The following PATJ variants were observed in gnomAD, a reference collection of about 807,000 sequenced individuals.
PATJ encodes the protein PATJ crumbs cell polarity complex component.
PATJ carries 190 observed loss-of-function variants against 224.9 expected under a neutral mutation model. The observed-to-expected ratio is 0.84, with a 90% CI of 0.75 to 0.95. PATJ has a LOEUF of 0.95. Among genes scored for constraint, PATJ ranks in the 40% least tolerant of loss-of-function variants. The probability of loss-of-function intolerance (pLI) is 0.00; values close to 1 mark genes in which losing one functional copy is unlikely to be tolerated. For synonymous variants in PATJ, 769 were observed against 820.3 expected (o/e 0.94, Z 1.07); for missense variants, 2,121 against 2,270.3 (o/e 0.93, Z 1.34).
At chr1:61,856,663 A>G (rs1236009342) in intron 18 of PATJ, among the ~76,000 whole-genome samples, 3 of 152,160 alleles carry the variant, frequency 2.0e-5, no homozygotes, top group East Asian at 1.9e-4. Context: ...ATCTTGGCTC[A>G]CTGCAACCTC....
At chr1:62,062,701 T>C (rs1655764884) in intron 31 of PATJ, among the ~76,000 whole-genome samples, 1 of 151,774 alleles carries the variant, frequency 6.6e-6, no homozygotes, top group Admixed American at 6.6e-5. Flanking sequence ...CTCACTTCAT[T>C]GTCCAGGTTG....
chr1:61,992,785 A>G lies in PATJ; in HGVS notation c.3867+2421A>G, dbSNP rs114476443. Among the ~76,000 whole-genome samples, 294 of 152,300 alleles carry G rather than the reference A, an allele frequency of 1.9e-3. 2 individuals are homozygous for G. The highest frequency in any genetic ancestry group is 7.0e-3 in the African/African-American group (289 of 41,576). On this transcript the variant is annotated intron_variant, in intron 28 of 43. Coordinates refer to ENST00000642238, the MANE Select transcript of PATJ (RefSeq NM_001350145.3). ...CAGGTCAAACACAAAATTCAGCACT[A>G]TGTATGTGGCAGCAAGCACTGGACT...
intron 27 of PATJ, among the ~76,000 whole-genome samples, chr1:61,951,549 G>A (rs985829167): frequency 2.0e-5 from 3 of 152,122 alleles, no homozygotes; most frequent in Admixed American, 1.3e-4. Flanking sequence ...GTGGGGGGTA[G>A]GGTAGGGTAG....
At chr1:61,929,555 C>T (rs891282859) in intron 27 of PATJ, among the ~76,000 whole-genome samples, 2 of 152,208 alleles carry the variant, frequency 1.3e-5, no homozygotes, top group Non-Finnish European at 2.9e-5. Context: ...AGTCAACATA[C>T]TAACTTTGTG....
At chr1:62,056,082 A>C (rs372466397) in intron 31 of PATJ, among the ~76,000 whole-genome samples, 1 of 152,150 alleles carries the variant, frequency 6.6e-6, no homozygotes, top group African/African-American at 2.4e-5. Context: ...CCCTCCGCCA[A>C]TTGGATGGTG....
chr1:61,742,731 G>A (rs1644819960), intron 1 of PATJ, among the ~76,000 whole-genome samples, 176 bp downstream of exon 1: 1 of 151,166 alleles, frequency 6.6e-6, no homozygotes, highest in African/African-American at 2.4e-5. Flanking sequence ...GCGCCGCCGG[G>A]CGCTCAGAGG....
chr1:61,856,356 T>C (rs1663664786), intron 18 of PATJ, 117 bp downstream of exon 18: 3 of 768,272 alleles, frequency 3.9e-6, no homozygotes, highest in Non-Finnish European at 6.4e-6. Flanking sequence ...ACTATGTGTG[T>C]GACCTTGGGC....
intron 31 of PATJ, among the ~76,000 whole-genome samples, chr1:62,065,164 G>A (rs1260908498): frequency 1.3e-5 from 2 of 152,148 alleles, no homozygotes; most frequent in Non-Finnish European, 2.9e-5. Context: ...CTTCCTTCAG[G>A]AAAGTCTCTG....
In PATJ at chr1:61,807,188, T is replaced by G. The variant is rs1023846839; in HGVS notation, c.1627-1286T>G. Among the ~76,000 whole-genome samples, 4 of 152,168 alleles carry G rather than the reference T, an allele frequency of 2.6e-5. No individual in the cohort carries two copies. In the South Asian group the frequency reaches 8.3e-4, roughly 32 times the overall value. ...AACAAAACAAAAAACAAAAAAACAT[T>G]TTTTTGAGAGACAGGGTCTTTCTCT... is the stretch of plus-strand genomic sequence containing the variant. On this transcript the variant is annotated intron_variant, in intron 13 of 43. Transcript: ENST00000642238.
At chr1:61,824,812 G>A (rs377520214) in intron 15 of PATJ, among the ~76,000 whole-genome samples, 1 of 152,090 alleles carries the variant, frequency 6.6e-6, no homozygotes, top group African/African-American at 2.4e-5. Context: ...AATGTTGGCT[G>A]GATCACAGTA....
At chr1:61,920,046 C>G (rs1256608472) in intron 26 of PATJ, among the ~76,000 whole-genome samples, 1 of 152,010 alleles carries the variant, frequency 6.6e-6, no homozygotes, top group Non-Finnish European at 1.5e-5. Context: ...TTAGCATAAC[C>G]TAATGATTGC....
chr1:62,153,368 C>T lies in PATJ; in HGVS notation c.5389C>T (p.Pro1797Ser). ...GCATTGTGTTTTCAGAACACCTCCACCTAAGATTATTACTTTGGAGAAAGG... is the reference window on the plus strand; with the variant it reads ...GCATTGTGTTTTCAGAACACCTCCATCTAAGATTATTACTTTGGAGAAAGG... ...HHPEDTETPP[P>S]KIITLEKGSE... Residue 1797 changes from proline (P) to serine (S), a missense_variant, in exon 43 of 44, where the codon CCT becomes TCT. Coordinates refer to ENST00000642238, the MANE Select transcript of PATJ (RefSeq NM_001350145.3). 1 of 1,231,620 alleles carries T rather than the reference C, an allele frequency of 8.1e-7. No homozygotes were observed. The highest frequency in any genetic ancestry group is 1.0e-6 in the Non-Finnish European group (1 of 987,550). 76.3% of individuals were successfully genotyped at this position (1,231,620 alleles called of 1,614,324 possible). A position where few individuals can be genotyped will look rare whatever the true frequency, so the allele number is the denominator to read the frequency against.
chr1:62,095,495 T>C (rs1661289907), intron 33 of PATJ, among the ~76,000 whole-genome samples: 2 of 152,342 alleles, frequency 1.3e-5, no homozygotes, highest in East Asian at 3.9e-4. Context: ...ACAAAATGCA[T>C]TGACATATAA....
intron 33 of PATJ, among the ~76,000 whole-genome samples, chr1:62,097,325 A>C (rs901931086): frequency 6.6e-6 from 1 of 152,170 alleles, no homozygotes; most frequent in African/African-American, 2.4e-5. Flanking sequence ...AAAAAAGGAA[A>C]AAAAAAAGAC....
intron 10 of PATJ, among the ~76,000 whole-genome samples, chr1:61,796,671 T>TTTCTTTCTTTCTTTC (rs1557660329): frequency 2.1e-4 from 6 of 28,556 alleles, no homozygotes; most frequent in African/African-American, 4.3e-4. Context: ...TCTTTCTTTC[T>TTTCTTTCTTTCTTTC]TTCTTTCTTT....
intron 14 of PATJ, chr1:61,816,634 T>G (rs1656160773): frequency 6.6e-6 from 1 of 152,164 alleles, no homozygotes; most frequent in South Asian, 2.1e-4. Context: ...ATAGATAATA[T>G]ATGGGCAAGA....
chr1:62,121,341 T>TAA (rs1294822244), intron 38 of PATJ, 46 bp downstream of exon 38: 2 of 973,992 alleles, frequency 2.1e-6, no homozygotes, highest in Non-Finnish European at 2.9e-6. Flanking sequence ...GTTACCCAAA[T>TAA]TAAAAAAAAA....
At chr1:62,141,963 C>T (rs879748945) in intron 41 of PATJ, among the ~76,000 whole-genome samples, 42 of 152,138 alleles carry the variant, frequency 2.8e-4, no homozygotes, top group South Asian at 6.2e-4. Context: ...GAGCAAGCCT[C>T]TGTCTCAAAA....
At chr1:61,751,931 G>A (rs964680734) in intron 1 of PATJ, among the ~76,000 whole-genome samples, 13 of 152,240 alleles carry the variant, frequency 8.5e-5, no homozygotes, top group African/African-American at 3.1e-4. Context: ...CTGAAGTTGG[G>A]AGTTTCAGAC....
Sources: gnomAD v4.1 joint callset for allele counts (sites outside exome capture counted in the v4.1 genomes callset) on GRCh38, gnomAD v4.1.1 for gene constraint, MANE v1.5 for transcripts, NCBI Gene and HGNC (gene_info 2026-07-23, HGNC 2026-07-21) for gene names.